The following ZFC3H1 variants were observed in gnomAD, a reference collection of about 807,000 sequenced individuals.
ZFC3H1 encodes the protein zinc finger C3H1 domain-containing protein.
ZFC3H1 carries 71 observed loss-of-function variants against 243.7 expected under a neutral mutation model. That is an observed-to-expected ratio of 0.29 (90% CI 0.24 to 0.36). The LOEUF is 0.36. Ranked by LOEUF, ZFC3H1 falls within the 10% of genes least tolerant of loss-of-function variation. The pLI is 1.00. For missense variants in ZFC3H1, 1,966 were observed against 2,317.1 expected (o/e 0.85, Z 3.11); for synonymous variants, 838 against 813.0 (o/e 1.03, Z -0.52).
chr12:71,662,053 C>T (rs1881192144), intron 1 of ZFC3H1, among the ~76,000 whole-genome samples: 1 of 152,206 alleles, frequency 6.6e-6, no homozygotes, highest in African/African-American at 2.4e-5. Context: ...ATGTGAATTA[C>T]AACCAGTAAT....
intron 32 of ZFC3H1, 108 bp downstream of exon 32, chr12:71,611,675 AAAT>A (rs1330030446): frequency 6.9e-4 from 113 of 164,368 alleles, no homozygotes; most frequent in Middle Eastern, 2.7e-3. Flanking sequence ...AAAAAAAAAA[AAAT>A]ATATATATAT....
chr12:71,641,830 A>G (rs724211), intron 6 of ZFC3H1, among the ~76,000 whole-genome samples: 90,965 of 152,050 alleles, frequency 0.6, 29,982 homozygotes, highest in Middle Eastern at 0.77. Flanking sequence ...TTAAAGAGTA[A>G]TGTTCTCATC....
intron 2 of ZFC3H1, chr12:71,656,322 A>G: frequency 2.6e-6 from 1 of 390,462 alleles, no homozygotes; most frequent in Non-Finnish European, 4.5e-6. Flanking sequence ...GAGGAAAAGA[A>G]AAAACAAGCC....
At chr12:71,611,204 T>A in intron 32 of ZFC3H1, 107 bp from the exon 33 acceptor site, 4 of 1,184,458 alleles carry the variant, frequency 3.4e-6, no homozygotes, top group Non-Finnish European at 4.5e-6. Flanking sequence ...ACTGTGGGAA[T>A]CTGAGTACAA....
Position 71,633,447 on chromosome 12 carries a change from G to A in ZFC3H1, c.2511-9C>T. On this transcript the variant is annotated splice_polypyrimidine_tract_variant and intron_variant, in intron 12 of 34. Transcript: ENST00000378743. ...CTTTCATCAAGAGAATCCTAAATGA[G>A]AAATAACAAAATTCTTGTTAATGTT... 3 of 1,530,812 alleles carry A rather than the reference G, an allele frequency of 2.0e-6. No homozygotes were observed. Among genetic ancestry groups the A allele is most frequent in the Non-Finnish European group, 8.8e-7 (1 of 1,141,866 alleles). 94.8% of individuals were successfully genotyped at this position (1,530,812 alleles called of 1,614,324 possible).
intron 6 of ZFC3H1, among the ~76,000 whole-genome samples, chr12:71,641,957 C>A (rs1335197786): frequency 6.6e-6 from 1 of 152,216 alleles, no homozygotes; most frequent in African/African-American, 2.4e-5. Context: ...TCAAGAAATT[C>A]TCATGCCTTA....
chr12:71,634,778 A>T lies in ZFC3H1; in HGVS notation c.2286T>A (p.Asp762Glu). The change falls in exon 11 of 35, where the codon GAT (aspartate) becomes GAA (glutamate). Residue 762 changes from aspartate to glutamate, a missense_variant. Around this residue, in one of 4 missense-constraint regions of ZFC3H1, gnomAD observed 1,383 missense variants for 1,723.7 expected, o/e 0.80. Coordinates refer to ENST00000378743, the MANE Select transcript of ZFC3H1 (RefSeq NM_144982.5). Reference sequence around the variant, plus strand: ...GCAAAGCCTCCGGTGTTCGCAGAGGATCATTTTCTTTTTCAGATTTTGGAG... The same window carrying T: ...GCAAAGCCTCCGGTGTTCGCAGAGGTTCATTTTCTTTTTCAGATTTTGGAG... ...KVPPKSEKEN[D>E]PLRTPEALPE... 1.2e-6 allele frequency: 2 copies of T among 1,606,540 alleles called. No homozygotes were observed. Among genetic ancestry groups the T allele is most frequent in the Non-Finnish European group, 1.7e-6 (2 of 1,177,408 alleles).
Position 71,626,259 on chromosome 12 carries a change from C to T in ZFC3H1, c.4317+1G>A. The T allele has an allele frequency of 6.2e-7, 1 of 1,613,304 alleles. No individual in the cohort carries two copies. The highest frequency in any genetic ancestry group is 1.1e-5 in the South Asian group (1 of 91,040). ...ACACGTACGTTATCTTTTCTACTCA[C>T]AGTCCAAAAGCTTTGATAATCTGGA... On this transcript the variant is annotated splice_donor_variant, in intron 22 of 34. Coordinates refer to ENST00000378743, the MANE Select transcript of ZFC3H1 (RefSeq NM_144982.5). LOFTEE classifies it high-confidence loss of function.
At chr12:71,619,493 A>G in intron 26 of ZFC3H1, 84 bp from the exon 27 acceptor site, 2 of 1,313,198 alleles carry the variant, frequency 1.5e-6, no homozygotes, top group Non-Finnish European at 2.1e-6. Flanking sequence ...AAGCCTTAAA[A>G]AAGTACTCAT....
chr12:71,623,264 C>T (rs570234147), intron 24 of ZFC3H1, 96 bp downstream of exon 24: 175 of 1,054,748 alleles, frequency 1.7e-4, no homozygotes, highest in Non-Finnish European at 2.2e-4. Context: ...TAAATTTGTT[C>T]CACTTAATTA....
chr12:71,626,782 G>T (rs1880178695), intron 21 of ZFC3H1, among the ~76,000 whole-genome samples: 1 of 152,142 alleles, frequency 6.6e-6, no homozygotes, highest in African/African-American at 2.4e-5. Context: ...CACCATTTGG[G>T]AATGCGAAAA....
rs754423613 is a variant in ZFC3H1 at position 71,644,882 on chromosome 12, G to C, written c.1274C>G (p.Thr425Ser). The change falls in exon 4 of 35, where the codon ACT becomes AGT. Residue 425 changes from threonine (T) to serine (S), a missense_variant. By Grantham distance (58) the Thr-to-Ser change is moderately conservative. Transcript: ENST00000378743. The stretch of plus-strand genomic sequence containing the variant: ...AATTTAATAAAAATGATCACCTGTA[G>C]TGCTAACTTTTTTGGCCGAATGTGT... ...TKTHSAKKVS[T>S]TAKQALRKQQ... 6.2e-6 allele frequency: 10 copies of C among 1,611,074 alleles called. No individual in the cohort carries two copies. The South Asian group carries it at 9.9e-5, about 16-fold the overall frequency.
intron 1 of ZFC3H1, among the ~76,000 whole-genome samples, chr12:71,659,980 A>C (rs947168645): frequency 6.6e-6 from 1 of 152,200 alleles, no homozygotes; most frequent in Non-Finnish European, 1.5e-5. Flanking sequence ...AGAAAAATTA[A>C]GGGTGAAAAT....
intron 18 of ZFC3H1, 28 bp from the exon 19 acceptor site, chr12:71,629,738 G>A (rs1880273520): frequency 1.5e-6 from 2 of 1,350,422 alleles, no homozygotes; most frequent in East Asian, 2.3e-5. Context: ...CAATCTTCAT[G>A]ATAAATATCA....
chr12:71,614,326 A>T (rs74866463), intron 30 of ZFC3H1, among the ~76,000 whole-genome samples: 1 of 151,230 alleles, frequency 6.6e-6, no homozygotes, highest in East Asian at 1.9e-4. Flanking sequence ...CCATAACATA[A>T]TAATTAATGC....
Position 71,632,510 on chromosome 12 carries a change from T to C in ZFC3H1, c.2822A>G (p.Asn941Ser). ...RKLEQDRFGP[N>S]KMMRLDSSPV... Reference sequence around the variant, plus strand: ...AGAACTGTCCAGTCTCATCATTTTGTTTGGCTAAGGGAGAAAAATGATACA... The same window carrying C: ...AGAACTGTCCAGTCTCATCATTTTGCTTGGCTAAGGGAGAAAAATGATACA... The change falls in exon 15 of 35, where the codon AAC becomes AGC. Residue 941 changes from asparagine (N) to serine (S), a missense_variant. Physicochemically the swap from Asn to Ser is conservative, Grantham distance 46. Around this residue, in one of 4 missense-constraint regions of ZFC3H1, gnomAD observed 1,383 missense variants for 1,723.7 expected, o/e 0.80. Transcript: ENST00000378743. The C allele has an allele frequency of 6.4e-7, 1 of 1,553,212 alleles. No homozygotes were observed. The highest frequency in any genetic ancestry group is 1.7e-4 in the Middle Eastern group (1 of 5,808).
At chr12:71,624,316 T>C in intron 22 of ZFC3H1, 24 bp from the exon 23 acceptor site, 2 of 1,555,552 alleles carry the variant, frequency 1.3e-6, no homozygotes, top group Non-Finnish European at 1.7e-6. Flanking sequence ...CTTTATATTA[T>C]TAATGTTGCC....
At position 71,619,334 on chromosome 12, in the gene ZFC3H1, T is replaced by C. The variant is rs1234146440; in HGVS notation, c.5125A>G (p.Asn1709Asp). ...ACTTACCGAAACAGATCCAAGTTAT[T>C]ATACTTCTCAAACCCCGGTTTAAAG... Reference protein sequence around the residue: ...SFFKPGFEKYNNLDLFRYLLN... With the variant: ...SFFKPGFEKYDNLDLFRYLLN... The change falls in exon 27 of 35, where the codon AAT (asparagine) becomes GAT (aspartate). Residue 1709 changes from asparagine to aspartate, a missense_variant. By Grantham distance (23) the Asn-to-Asp change is conservative (BLOSUM62 1). Transcript: ENST00000378743. 1 of 1,613,742 alleles carries C rather than the reference T, an allele frequency of 6.2e-7. No homozygotes were observed. The highest frequency in any genetic ancestry group is 1.3e-5 in the African/African-American group (1 of 75,026).
intron 9 of ZFC3H1, 47 bp downstream of exon 9, chr12:71,636,443 T>G (rs1203903700): frequency 1.3e-6 from 2 of 1,541,032 alleles, no homozygotes; most frequent in Non-Finnish European, 8.7e-7. Flanking sequence ...TCATAGAAAT[T>G]TATCATAACT....
Sources: allele counts gnomAD v4.1 joint callset (sites outside exome capture counted in the v4.1 genomes callset), GRCh38; gene constraint gnomAD v4.1.1; regional missense constraint gnomAD v4.1.1; transcripts MANE v1.5; gene names NCBI Gene and HGNC (gene_info 2026-07-23, HGNC 2026-07-21).